The following FOXP1 variants were observed in gnomAD, a reference collection of about 807,000 sequenced individuals.
The protein encoded by FOXP1 is forkhead box P1.
FOXP1 carries 15 observed loss-of-function variants against 98.2 expected under a neutral mutation model. The observed-to-expected ratio is 0.15, with a 90% confidence interval of 0.10 to 0.24. The LOEUF (loss-of-function observed/expected upper bound fraction) is 0.24. Among genes scored for constraint, FOXP1 ranks in the 10% least tolerant of loss-of-function variants. The probability of loss-of-function intolerance (pLI) is 1.00; values close to 1 mark genes in which losing one functional copy is unlikely to be tolerated. For missense variants in FOXP1, 633 were observed against 848.5 expected, an observed-to-expected ratio of 0.75 and a Z score of 3.15; for synonymous variants, 371 against 314.5, an observed-to-expected ratio of 1.18 and a Z score of -1.90.
At chr3:71,189,754 T>C (rs1364477829) in intron 6 of FOXP1, among the ~76,000 whole-genome samples, 2 of 152,222 alleles carry the variant, frequency 1.3e-5, no homozygotes, top group Non-Finnish European at 2.9e-5. Context: ...CAGTCCTTCC[T>C]TTCTCTTTCT....
intron 6 of FOXP1, chr3:71,130,562 C>A: frequency 6.3e-7 from 1 of 1,598,416 alleles, no homozygotes; most frequent in Non-Finnish European, 8.5e-7. Flanking sequence ...CGTCTTCTTG[C>A]TGTAGATGGG....
chr3:70,959,708 A>G (rs2032793264), intron 20 of FOXP1, among the ~76,000 whole-genome samples: 1 of 152,124 alleles, frequency 6.6e-6, no homozygotes, highest in Non-Finnish European at 1.5e-5. Context: ...GATGCTCTGA[A>G]TCACTAGTCT....
chr3:71,316,408 T>C (rs1167253515), intron 4 of FOXP1, among the ~76,000 whole-genome samples: 1 of 152,016 alleles, frequency 6.6e-6, no homozygotes, highest in African/African-American at 2.4e-5. Flanking sequence ...ATTCTAACCA[T>C]CACCCCAGAT....
rs114562436 is a variant in FOXP1 at position 71,286,921 on chromosome 3, G to A, written c.-12+12899C>T. Among the ~76,000 whole-genome samples the A allele has an allele frequency of 4.2e-3, 636 of 152,290 alleles. 5 individuals carry two copies. Among genetic ancestry groups the A allele is most frequent in the African/African-American group, 0.014 (600 of 41,558 alleles). Reference sequence around the variant, plus strand: ...AACATCTTTTATGAAACTCACTCAAGAGACTGAGTTATCTCGAGATGTCCA... The same window carrying A: ...AACATCTTTTATGAAACTCACTCAAAAGACTGAGTTATCTCGAGATGTCCA... On this transcript the variant is annotated intron_variant, in intron 5 of 20. Transcript: ENST00000649528.
rs1327221020 is a variant in FOXP1, at chr3:70,985,139, T to TA, written c.1146+2854dup. Among the ~76,000 whole-genome samples, 12 of 152,350 alleles carry TA rather than the reference T, an allele frequency of 7.9e-5. No homozygotes were observed. In the South Asian group the frequency reaches 2.3e-3, roughly 29 times the overall value. On this transcript the variant is annotated intron_variant, in intron 14 of 20. Coordinates refer to ENST00000649528, the MANE Select transcript of FOXP1 (RefSeq NM_001349338.3). Reference sequence around the variant, plus strand: ...GAAAAAAGAAAAAGCTTCATGAACTTACTGGCAAGGTTGTAACATGAAAGT... The same window carrying TA: ...GAAAAAAGAAAAAGCTTCATGAACTTAACTGGCAAGGTTGTAACATGAAAGT...
chr3:70,981,512 G>A (rs1346735533), intron 14 of FOXP1, among the ~76,000 whole-genome samples: 2 of 152,210 alleles, frequency 1.3e-5, no homozygotes, highest in Non-Finnish European at 2.9e-5. Context: ...ATGATTAAAT[G>A]CTGCATTCGA....
At position 71,210,450 on chromosome 3, in the gene FOXP1, C is replaced by T. The variant is rs1038334385; in HGVS notation, c.-11-12058G>A. Among the ~76,000 whole-genome samples, 5 of 152,288 alleles carry T rather than the reference C, an allele frequency of 3.3e-5. 1 individual carries two copies. In the South Asian group the frequency reaches 1.0e-3, roughly 32 times the overall value. Reference sequence around the variant, plus strand: ...GAAAATTTCCACTGAGCATTCAGTGCCCTGGTAGGAGGCCATTTTTCAGGC... The same window carrying T: ...GAAAATTTCCACTGAGCATTCAGTGTCCTGGTAGGAGGCCATTTTTCAGGC... On this transcript the variant is annotated intron_variant, in intron 5 of 20. Transcript: ENST00000649528.
chr3:71,507,679 G>A (rs375965576), intron 2 of FOXP1, among the ~76,000 whole-genome samples: 10 of 151,958 alleles, frequency 6.6e-5, no homozygotes, highest in Admixed American at 4.6e-4. Context: ...CCGGGTTCAC[G>A]CCATTCTCCT....
At chr3:71,297,616 A>ATT (rs33920121) in intron 5 of FOXP1, among the ~76,000 whole-genome samples, 30,637 of 135,172 alleles carry the variant, frequency 0.23, 4,009 homozygotes, top group East Asian at 0.51. Flanking sequence ...GCTTTGTTTA[A>ATT]TTTTTTTTTT....
intron 3 of FOXP1, among the ~76,000 whole-genome samples, chr3:71,458,061 C>G (rs1409261475): frequency 6.6e-6 from 1 of 152,158 alleles, no homozygotes; most frequent in Non-Finnish European, 1.5e-5. Context: ...GTTCCAGAAA[C>G]CAGCTCCCCT....
In FOXP1 at chr3:71,458,502, G is replaced by A. The variant is rs539695378; in HGVS notation, c.-168+34924C>T. Among the ~76,000 whole-genome samples the A allele has an allele frequency of 2.6e-5, 4 of 152,224 alleles. No individual in the cohort carries two copies. The South Asian group carries it at 8.3e-4, about 32-fold the overall frequency. ...GAAATATACATTTTTTTAATTTTGG[G>A]AAAGTGTAATATCCCTGTGCTTGAC... On this transcript the variant is annotated intron_variant, in intron 3 of 20. Transcript: ENST00000649528.
intron 2 of FOXP1, among the ~76,000 whole-genome samples, chr3:71,517,460 T>G (rs1416669723): frequency 6.6e-6 from 1 of 152,216 alleles, no homozygotes; most frequent in African/African-American, 2.4e-5. Context: ...TCTATACCAC[T>G]TTATTAACTG....
chr3:71,357,340 T>C (rs570534039), intron 4 of FOXP1, among the ~76,000 whole-genome samples: 1 of 152,242 alleles, frequency 6.6e-6, no homozygotes, highest in Admixed American at 6.5e-5. Context: ...AATATTGTGG[T>C]CTTAAAATAT....
chr3:71,390,772 T>G (rs1399482581), intron 3 of FOXP1, among the ~76,000 whole-genome samples: 1 of 152,228 alleles, frequency 6.6e-6, no homozygotes, highest in African/African-American at 2.4e-5. Flanking sequence ...AGAAAGATTT[T>G]AAAAGTTCCT....
chr3:71,484,804 G>A (rs964626038), intron 3 of FOXP1, among the ~76,000 whole-genome samples: 1 of 152,138 alleles, frequency 6.6e-6, no homozygotes, highest in Non-Finnish European at 1.5e-5. Flanking sequence ...GCAGTGCTGA[G>A]ATGACACTTT....
intron 11 of FOXP1, among the ~76,000 whole-genome samples, chr3:71,023,910 G>GC (rs1321539285): frequency 6.6e-6 from 1 of 152,126 alleles, no homozygotes; most frequent in African/African-American, 2.4e-5. Context: ...AAACTTGATC[G>GC]CAACGACCTT....
At chr3:71,313,302 G>A (rs2107632126) in intron 4 of FOXP1, among the ~76,000 whole-genome samples, 1 of 151,668 alleles carries the variant, frequency 6.6e-6, no homozygotes, top group East Asian at 2.0e-4. Flanking sequence ...CTCATGATCC[G>A]TCCGCCTCTG....
At chr3:71,576,786 G>A (rs568937736) in intron 2 of FOXP1, among the ~76,000 whole-genome samples, 1 of 152,208 alleles carries the variant, frequency 6.6e-6, no homozygotes, top group Non-Finnish European at 1.5e-5. Context: ...AAATAAAACA[G>A]CTTGGGGAGG....
intron 6 of FOXP1, among the ~76,000 whole-genome samples, chr3:71,113,463 G>A (rs1413291842): frequency 6.6e-6 from 1 of 152,122 alleles, no homozygotes; most frequent in African/African-American, 2.4e-5. Context: ...GGGCGTTGTG[G>A]CTCACGCCTG....
Sources: gnomAD v4.1 joint callset for allele counts (sites outside exome capture counted in the v4.1 genomes callset) on GRCh38, gnomAD v4.1.1 for gene constraint, MANE v1.5 for transcripts, NCBI Gene and HGNC (gene_info 2026-07-23, HGNC 2026-07-21) for gene names.